The following IL1RAPL2 variants were observed in gnomAD, a reference collection of about 807,000 sequenced individuals.
IL1RAPL2 encodes the protein interleukin 1 receptor accessory protein like 2.
A neutral mutation model predicts 44.1 loss-of-function variants in IL1RAPL2; 3 were observed. That is an observed-to-expected ratio of 0.07 (90% confidence interval 0.03 to 0.18). IL1RAPL2 has a LOEUF of 0.18. Among genes scored for constraint, IL1RAPL2 ranks in the 10% least tolerant of loss-of-function variants. IL1RAPL2 has a pLI of 1.00. For synonymous variants in IL1RAPL2, 181 were observed against 178.8 expected, an observed-to-expected ratio of 1.01 and a Z score of -0.10; for missense variants, 391 against 496.4, an observed-to-expected ratio of 0.79 and a Z score of 2.02.
chrX:105,245,123 C>A (rs1294109967), intron 4 of IL1RAPL2, among the ~76,000 whole-genome samples: 1 of 112,087 alleles, frequency 8.9e-6, no homozygotes, highest in Non-Finnish European at 1.9e-5. Context: ...TAACTAACGT[C>A]TTAACTCCAG....
chrX:104,808,473 T>C (rs1012267153), intron 2 of IL1RAPL2, among the ~76,000 whole-genome samples: 1 of 111,381 alleles, frequency 9.0e-6, no homozygotes, highest in Non-Finnish European at 1.9e-5. Flanking sequence ...TGAGGAGTTA[T>C]TGAAGACTTT....
chrX:105,541,593 G>A (rs1007342605), intron 6 of IL1RAPL2, among the ~76,000 whole-genome samples: 2 of 110,800 alleles, frequency 1.8e-5, no homozygotes, highest in African/African-American at 6.6e-5. Context: ...GAGGAGGGAT[G>A]TAAGAGATTA....
Position 105,021,524 on chromosome X carries a change from T to C in IL1RAPL2, c.83-173951T>C, listed in dbSNP as rs765398427. 3.6e-5 allele frequency among the ~76,000 whole-genome samples: 4 copies of C among 111,138 alleles called. No individual in the cohort carries two copies. The East Asian group carries it at 1.2e-3, about 32-fold the overall frequency. The stretch of plus-strand genomic sequence containing the variant: ...GGGTCACTTCTCAGTCCATCAGCAG[T>C]GCAATTCTTCCCAAAACACCAGCCA... On this transcript the variant is annotated intron_variant, in intron 2 of 10. Coordinates refer to ENST00000372582, the MANE Select transcript of IL1RAPL2 (RefSeq NM_017416.2).
At chrX:104,604,633 C>CAAAAAA (rs36050333) in intron 1 of IL1RAPL2, among the ~76,000 whole-genome samples, 63 of 30,990 alleles carry the variant, frequency 2.0e-3, no homozygotes, top group Non-Finnish European at 2.3e-3. Flanking sequence ...AAATGCATAG[C>CAAAAAA]AAAAAAAAAA....
At chrX:105,099,453 C>CTTTTTTTT (rs36063657) in intron 2 of IL1RAPL2, among the ~76,000 whole-genome samples, 1 of 35,833 alleles carries the variant, frequency 2.8e-5, no homozygotes, top group East Asian at 1.4e-3. Flanking sequence ...GTGCCACATA[C>CTTTTTTTT]TTTTTTTTTT....
chrX:104,899,353 A>C (rs1163813315), intron 2 of IL1RAPL2, among the ~76,000 whole-genome samples: 1 of 111,928 alleles, frequency 8.9e-6, no homozygotes, highest in Non-Finnish European at 1.9e-5. Context: ...TTTTTATTTG[A>C]ATATCATTAC....
rs749414324 is a variant in IL1RAPL2 at position 104,695,417 on chromosome X, G to A, written c.82+36422G>A. 1.4e-3 allele frequency among the ~76,000 whole-genome samples: 161 copies of A among 111,211 alleles called. 1 individual carries two copies. The highest frequency in any genetic ancestry group is 4.9e-3 in the African/African-American group (149 of 30,616). On this transcript the variant is annotated intron_variant, in intron 2 of 10. Coordinates refer to ENST00000372582, the MANE Select transcript of IL1RAPL2 (RefSeq NM_017416.2). ...ATTCCTATGAGTGACATTAGTAGAA[G>A]AGCTAGAATCTTCTACCATAACAGG...
chrX:104,927,389 G>A (rs1924797985), intron 2 of IL1RAPL2, among the ~76,000 whole-genome samples: 1 of 110,965 alleles, frequency 9.0e-6, no homozygotes, highest in South Asian at 3.8e-4. Context: ...TTTAATTTTA[G>A]TGCTTTTGAG....
At chrX:105,302,216 G>T (rs183942645) in intron 5 of IL1RAPL2, among the ~76,000 whole-genome samples, 6 of 111,608 alleles carry the variant, frequency 5.4e-5, no homozygotes, top group Admixed American at 9.5e-5. Context: ...AGATTATTAG[G>T]TTTTTTTCTA....
intron 2 of IL1RAPL2, among the ~76,000 whole-genome samples, chrX:105,031,679 T>C (rs1169892897): frequency 8.0e-5 from 9 of 111,941 alleles, no homozygotes; most frequent in East Asian, 2.8e-4. Flanking sequence ...CATCAATGTT[T>C]ATCAATGATA....
intron 5 of IL1RAPL2, among the ~76,000 whole-genome samples, chrX:105,313,192 A>G (rs192541444): frequency 2.7e-5 from 3 of 111,666 alleles, no homozygotes; most frequent in Non-Finnish European, 5.7e-5. Flanking sequence ...TTTTTTTGCT[A>G]TCTCCCAAAA....
At chrX:105,514,764 T>G (rs1251024455) in intron 6 of IL1RAPL2, among the ~76,000 whole-genome samples, 1 of 111,652 alleles carries the variant, frequency 9.0e-6, no homozygotes, top group Non-Finnish European at 1.9e-5. Flanking sequence ...GAGGTTTTGC[T>G]TTACAGTTCT....
intron 1 of IL1RAPL2, among the ~76,000 whole-genome samples, chrX:104,590,857 GA>G (rs1249045350): frequency 8.9e-6 from 1 of 112,064 alleles, no homozygotes; most frequent in Non-Finnish European, 1.9e-5. Context: ...CACAATCTAT[GA>G]GATGATTCGA....
intron 3 of IL1RAPL2, chrX:105,219,280 G>A (rs2033910897): frequency 8.3e-7 from 1 of 1,208,684 alleles, no homozygotes; most frequent in South Asian, 1.8e-5. Context: ...AAAAGGGCTT[G>A]AGTATGAGTA....
At chrX:104,573,754 G>C (rs34363843) in intron 1 of IL1RAPL2, among the ~76,000 whole-genome samples, 7 of 112,332 alleles carry the variant, frequency 6.2e-5, no homozygotes, top group African/African-American at 1.3e-4. Flanking sequence ...TATGGTACTT[G>C]TGTAGGATCA....
At chrX:105,229,330 C>T in intron 3 of IL1RAPL2, among the ~76,000 whole-genome samples, 1 of 112,329 alleles carries the variant, frequency 8.9e-6, no homozygotes, top group Non-Finnish European at 1.9e-5. Flanking sequence ...TTATACCTCC[C>T]CCAGGTCACC....
At chrX:104,886,378 TC>T (rs1270552490) in intron 2 of IL1RAPL2, among the ~76,000 whole-genome samples, 1 of 111,561 alleles carries the variant, frequency 9.0e-6, no homozygotes, top group Non-Finnish European at 1.9e-5. Context: ...GCCTGCCCAG[TC>T]CAAATCAGGC....
chrX:104,679,127 C>A (rs1282146179), intron 2 of IL1RAPL2, among the ~76,000 whole-genome samples: 1 of 111,310 alleles, frequency 9.0e-6, no homozygotes, highest in Non-Finnish European at 1.9e-5. Context: ...CCTTAGCACA[C>A]AATTGTTTAA....
intron 2 of IL1RAPL2, among the ~76,000 whole-genome samples, chrX:104,741,844 C>T (rs1167780846): frequency 9.0e-6 from 1 of 111,303 alleles, no homozygotes; most frequent in African/African-American, 3.3e-5. Flanking sequence ...AAAAAAGTCA[C>T]TTTTCTATAA....
Sources: allele counts gnomAD v4.1 joint callset (sites outside exome capture counted in the v4.1 genomes callset), GRCh38; gene constraint gnomAD v4.1.1; transcripts MANE v1.5; gene names NCBI Gene and HGNC (gene_info 2026-07-23, HGNC 2026-07-21).